Variants in NUDCD1 observed in about 807,000 individuals in gnomAD.
NUDCD1 encodes nudC domain-containing protein 1.
Under a neutral mutation model 67.8 loss-of-function variants are expected in NUDCD1, and 60 were observed. The ratio of observed to expected loss-of-function variants is 0.88; its 90% CI spans 0.72 to 1.10. The LOEUF (loss-of-function observed/expected upper bound fraction) is 1.10. Ranked by LOEUF, NUDCD1 falls within the 50% of genes least tolerant of loss-of-function variation. NUDCD1 has a pLI of 0.00. For synonymous variants in NUDCD1, 244 were observed against 230.8 expected, an observed-to-expected ratio of 1.06 and a Z score of -0.52; for missense variants, 643 against 695.0, an observed-to-expected ratio of 0.93 and a Z score of 0.84.
At chr8:109,331,452 G>A (rs548501988) in intron 1 of NUDCD1, among the ~76,000 whole-genome samples, 3 of 148,446 alleles carry the variant, frequency 2.0e-5, no homozygotes, top group East Asian at 4.0e-4. Context: ...GAAGGCAGAG[G>A]TTGCAATGAG....
intron 8 of NUDCD1, among the ~76,000 whole-genome samples, chr8:109,260,963 T>C (rs2926203): frequency 0.36 from 54,828 of 152,070 alleles, 10,717 homozygotes; most frequent in South Asian, 0.5. Flanking sequence ...ATTTATTTGC[T>C]CAATGTTGGC....
intron 1 of NUDCD1, among the ~76,000 whole-genome samples, chr8:109,322,871 T>C (rs1177942092): frequency 6.6e-6 from 1 of 152,228 alleles, no homozygotes; most frequent in Non-Finnish European, 1.5e-5. Flanking sequence ...TATTATCTCA[T>C]TCATTTTAAT....
At chr8:109,255,930 C>T (rs531499545) in intron 8 of NUDCD1, among the ~76,000 whole-genome samples, 11 of 152,252 alleles carry the variant, frequency 7.2e-5, no homozygotes, top group Non-Finnish European at 1.6e-4. Context: ...GAACTAGTTG[C>T]CGGGTGCTGT....
chr8:109,316,581 T>C (rs955370095), intron 2 of NUDCD1: 1 of 152,234 alleles, frequency 6.6e-6, no homozygotes, highest in African/African-American at 2.4e-5. Flanking sequence ...TTTTCTGCTA[T>C]AAGCCAATAG....
chr8:109,261,562 T>C (rs1001913697), intron 8 of NUDCD1, among the ~76,000 whole-genome samples: 1 of 152,222 alleles, frequency 6.6e-6, no homozygotes, highest in East Asian at 1.9e-4. Flanking sequence ...GTTAAACATA[T>C]AAGTAATAAA....
At chr8:109,284,757 G>C (rs576881208) in intron 5 of NUDCD1, among the ~76,000 whole-genome samples, 1 of 146,184 alleles carries the variant, frequency 6.8e-6, no homozygotes, top group Admixed American at 6.8e-5. Context: ...ACACCCAGAA[G>C]AACAAGAAAA....
At chr8:109,280,531 G>A (rs963786343) in intron 6 of NUDCD1, among the ~76,000 whole-genome samples, 2 of 152,198 alleles carry the variant, frequency 1.3e-5, no homozygotes, top group Non-Finnish European at 2.9e-5. Context: ...TGATTGTGAG[G>A]AGTGGGAGGA....
chr8:109,256,079 G>A (rs1474215792), intron 8 of NUDCD1, among the ~76,000 whole-genome samples: 4 of 151,818 alleles, frequency 2.6e-5, no homozygotes, highest in Admixed American at 6.6e-5. Flanking sequence ...GGCGTGTTGG[G>A]ATGCACCTGT....
intron 2 of NUDCD1, among the ~76,000 whole-genome samples, chr8:109,301,655 T>C (rs2980627): frequency 0.64 from 96,940 of 152,118 alleles, 32,362 homozygotes; most frequent in African/African-American, 0.84. Flanking sequence ...GCGGCCTTTC[T>C]ACTCTCTTCT....
chr8:109,278,888 T>C (rs1332886787), intron 6 of NUDCD1, among the ~76,000 whole-genome samples: 2 of 152,158 alleles, frequency 1.3e-5, no homozygotes, highest in Admixed American at 6.5e-5. Flanking sequence ...TTTTTTAACA[T>C]ATATTTTCAG....
At chr8:109,292,167 A>G (rs1298781755) in intron 4 of NUDCD1, among the ~76,000 whole-genome samples, 1 of 152,142 alleles carries the variant, frequency 6.6e-6, no homozygotes, top group Non-Finnish European at 1.5e-5. Context: ...GAACACAACT[A>G]TACTCATTCA....
At chr8:109,307,232 T>C (rs1298141531) in intron 2 of NUDCD1, among the ~76,000 whole-genome samples, 1 of 152,236 alleles carries the variant, frequency 6.6e-6, no homozygotes, top group Non-Finnish European at 1.5e-5. Flanking sequence ...TGGCACTTTG[T>C]AATATTCTTC....
At chr8:109,261,910 A>G (rs1250695505) in intron 8 of NUDCD1, among the ~76,000 whole-genome samples, 1 of 152,120 alleles carries the variant, frequency 6.6e-6, no homozygotes, top group Non-Finnish European at 1.5e-5. Context: ...ACACACCATA[A>G]AGAAGTATAA....
chr8:109,287,692 G>T (rs886329419), intron 5 of NUDCD1, among the ~76,000 whole-genome samples: 1 of 152,060 alleles, frequency 6.6e-6, no homozygotes, highest in Non-Finnish European at 1.5e-5. Context: ...TCAGTACCTG[G>T]GTGACAGGAT....
chr8:109,286,244 G>C (rs1011734901), intron 5 of NUDCD1, among the ~76,000 whole-genome samples: 1 of 152,058 alleles, frequency 6.6e-6, no homozygotes, highest in Non-Finnish European at 1.5e-5. Context: ...ACAAACTACA[G>C]AGTAAATGCT....
intron 2 of NUDCD1, among the ~76,000 whole-genome samples, chr8:109,309,001 A>G (rs530039156): frequency 9.9e-5 from 15 of 151,804 alleles, no homozygotes; most frequent in Admixed American, 8.5e-4. Flanking sequence ...CCGGGACCAG[A>G]CAGATTCACA....
At chr8:109,327,826 G>T (rs1026821769) in intron 1 of NUDCD1, among the ~76,000 whole-genome samples, 1 of 152,018 alleles carries the variant, frequency 6.6e-6, no homozygotes, top group Non-Finnish European at 1.5e-5. Flanking sequence ...AATAAAAAAG[G>T]CTTCCTTTTC....
At position 109,241,884 on chromosome 8, in the gene NUDCD1, A is replaced by G. The variant is rs957769903; in HGVS notation, c.*1125T>C. On this transcript the variant is annotated 3_prime_UTR_variant, in exon 10 of 10. Transcript: ENST00000239690. The stretch of plus-strand genomic sequence containing the variant: ...CCAACTTGAGGTTTATATAAGATAC[A>G]TATCTTGAAATGGTATAAAAAGTAA... 7 of 390,346 alleles carry G rather than the reference A, an allele frequency of 1.8e-5. No homozygotes were observed. Among genetic ancestry groups the G allele is most frequent in the Admixed American group, 1.3e-4 (3 of 22,542 alleles). 24.2% of individuals were successfully genotyped at this position (390,346 alleles called of 1,614,324 possible). A position where few individuals can be genotyped will look rare whatever the true frequency, so the allele number is the denominator to read the frequency against.
At position 109,322,349 on chromosome 8, in the gene NUDCD1, A is replaced by G; in HGVS notation, c.233T>C (p.Ile78Thr). The G allele has an allele frequency of 6.3e-7, 1 of 1,577,386 alleles. No homozygotes were observed. Among genetic ancestry groups the G allele is most frequent in the Non-Finnish European group, 8.7e-7 (1 of 1,148,866 alleles). ...ATTCATAATTCTTCCAAGGGTATCA[A>G]TATAGTAGACACTGTCTTGATACCA... ...DSWYQDSVYYIDTLGRIMNLT... is the reference protein window; with the variant it reads ...DSWYQDSVYYTDTLGRIMNLT... The change falls in exon 2 of 10, where the codon ATT becomes ACT. Residue 78 changes from isoleucine (I) to threonine (T), a missense_variant. By Grantham distance (89) the Ile-to-Thr change is moderately conservative. Transcript: ENST00000239690.
Sources: allele counts gnomAD v4.1 joint callset (sites outside exome capture counted in the v4.1 genomes callset), GRCh38; gene constraint gnomAD v4.1.1; transcripts MANE v1.5; gene names NCBI Gene and HGNC (gene_info 2026-07-23, HGNC 2026-07-21).